MFSD2A: variants seen among roughly 807,000 people sequenced by gnomAD.
MFSD2A encodes sodium-dependent lysophosphatidylcholine symporter 1.
A neutral mutation model predicts 64.7 loss-of-function variants in MFSD2A; 27 were observed. The observed-to-expected ratio is 0.42, with a 90% confidence interval of 0.31 to 0.58. The LOEUF is 0.58. Ranked by LOEUF, MFSD2A falls within the 20% of genes least tolerant of loss-of-function variation. The pLI, the probability that MFSD2A is intolerant of heterozygous loss-of-function variation, is 0.18. For synonymous variants in MFSD2A, 258 were observed against 273.4 expected (o/e 0.94, Z 0.55); for missense variants, 474 against 679.5 (o/e 0.70, Z 3.36).
At chr1:39,967,023 G>T in intron 8 of MFSD2A, 63 bp from the exon 9 acceptor site, 1 of 1,610,892 alleles carries the variant, frequency 6.2e-7, no homozygotes, top group Non-Finnish European at 8.5e-7. Context: ...ATGTCTTGGG[G>T]AGGCTCAGCC....
Position 39,955,246 on chromosome 1 carries a change from G to A in MFSD2A, c.-47G>A. 7.4e-7 allele frequency: 1 copy of A among 1,357,710 alleles called. No individual in the cohort carries two copies. 84.1% of individuals were successfully genotyped at this position (1,357,710 alleles called of 1,614,324 possible). ...GGGAGGAGCAGCGGCCTGCGGGGCA[G>A]AGGAGCATCCCGTCTACCAGGTCCC... is the stretch of plus-strand genomic sequence containing the variant. On this transcript the variant is annotated 5_prime_UTR_variant, in exon 1 of 14. Transcript: ENST00000372811. This position sits in a 1 kb window ranked among gnomAD's most constrained non-coding sequence, Gnocchi z 5.9.
At chr1:39,961,777 GC>G (rs1359347052) in intron 3 of MFSD2A, among the ~76,000 whole-genome samples, 2 of 152,224 alleles carry the variant, frequency 1.3e-5, no homozygotes, top group East Asian at 3.9e-4. Context: ...CTCCCAAAGT[GC>G]TGGGATTACA....
In MFSD2A at chr1:39,955,864, C is replaced by T. The variant is rs1018210210; in HGVS notation, c.93+479C>T. 2 of 270,824 alleles carry T rather than the reference C, an allele frequency of 7.4e-6. No homozygotes were observed. Among genetic ancestry groups the T allele is most frequent in the Non-Finnish European group, 1.5e-5 (2 of 133,540 alleles). The allele number at this position is 270,824 out of a possible 1,614,324, so 16.8% of individuals were successfully genotyped here. On this transcript the variant is annotated intron_variant, in intron 1 of 13. Coordinates refer to ENST00000372811, the MANE Select transcript of MFSD2A (RefSeq NM_032793.5). This position sits in a 1 kb window ranked among gnomAD's most constrained non-coding sequence, Gnocchi z 5.9. The stretch of plus-strand genomic sequence containing the variant: ...GCTCTGCTCTTAAAGGAGCCGCGTC[C>T]CTCAGGCATTTGTCTGAATGTGGAT...
rs1300306453 is a variant in MFSD2A, at chr1:39,964,229, A to T, written c.354-982A>T. 1 of 152,226 alleles carries T rather than the reference A, an allele frequency of 6.6e-6. No homozygotes were observed. The highest frequency in any genetic ancestry group is 2.4e-5 in the African/African-American group (1 of 41,448). The allele number at this position is 152,226 out of a possible 1,614,324, so 9.4% of individuals were successfully genotyped here. On this transcript the variant is annotated intron_variant, in intron 3 of 13. Coordinates refer to ENST00000372811, the MANE Select transcript of MFSD2A (RefSeq NM_032793.5). The surrounding 1 kb of genome is among the most constrained non-coding windows in gnomAD (Gnocchi z 4.1). ...GTTGAATGGTATATATAACTTTTAA[A>T]TTATGTCAACTTTTCTGTTTGCCAA... is the stretch of plus-strand genomic sequence containing the variant.
Position 39,968,423 on chromosome 1 carries a change from T to C in MFSD2A, c.1298T>C (p.Phe433Ser). 6.2e-7 allele frequency: 1 copy of C among 1,614,154 alleles called. No homozygotes were observed. Among genetic ancestry groups the C allele is most frequent in the Non-Finnish European group, 8.5e-7 (1 of 1,180,012 alleles). Residue 433 changes from phenylalanine (F) to serine (S), a missense_variant, in exon 12 of 14, where the codon TTC (phenylalanine) becomes TCC (serine). Transcript: ENST00000372811. The surrounding 1 kb of genome is among the most constrained non-coding windows in gnomAD (Gnocchi z 4.4). Reference protein sequence around the residue: ...TEPIFFSFYVFFTKFASGVSL... With the variant: ...TEPIFFSFYVSFTKFASGVSL... Reference sequence around the variant, plus strand: ...CCCATCTTCTTCTCCTTCTATGTCTTCTTCACCAAGTTTGCCTCTGGAGTG... The same window carrying C: ...CCCATCTTCTTCTCCTTCTATGTCTCCTTCACCAAGTTTGCCTCTGGAGTG...
At chr1:39,961,593 CG>C (rs1645045592) in intron 3 of MFSD2A, among the ~76,000 whole-genome samples, 1 of 151,608 alleles carries the variant, frequency 6.6e-6, no homozygotes, top group South Asian at 2.1e-4. Context: ...GTGATCTGCC[CG>C]CCTCGGCCTC....
chr1:39,964,957 C>T lies in MFSD2A; in HGVS notation c.354-254C>T, dbSNP rs1645125342. 1.8e-6 allele frequency: 1 copy of T among 548,654 alleles called. No individual in the cohort carries two copies. Among genetic ancestry groups the T allele is most frequent in the Non-Finnish European group, 3.3e-6 (1 of 305,358 alleles). The allele number at this position is 548,654 out of a possible 1,614,324, so 34.0% of individuals were successfully genotyped here. On this transcript the variant is annotated intron_variant, in intron 3 of 13. Transcript: ENST00000372811. The surrounding 1 kb of genome is among the most constrained non-coding windows in gnomAD (Gnocchi z 4.1). ...CCCATTAGAGGCTGCTGCCTCTGGA[C>T]TAGACTCAGGCTCTGACCTCACACT...
In MFSD2A at chr1:39,957,207, T is replaced by C. The variant is rs2124756040; in HGVS notation, c.214T>C (p.Leu72=). ...GGGTTTCTTCCTTCAGATCTACCTA[T>C]TGGATGTGGCTCAGGTGAGTGGTCT... The part of the protein sequence containing the change: ...ALGFFLQIYL[L]DVAQVGPFSA... The change falls in exon 2 of 14, where the codon TTG becomes CTG. Residue 72 remains leucine, a synonymous_variant. Coordinates refer to ENST00000372811, the MANE Select transcript of MFSD2A (RefSeq NM_032793.5). 6.2e-7 allele frequency: 1 copy of C among 1,601,008 alleles called. No individual in the cohort carries two copies. The highest frequency in any genetic ancestry group is 8.5e-7 in the Non-Finnish European group (1 of 1,172,938).
At chr1:39,962,972 G>T in intron 3 of MFSD2A, 1 of 1,541,500 alleles carries the variant, frequency 6.5e-7, no homozygotes, top group Non-Finnish European at 8.8e-7. Flanking sequence ...TGGGTGTTAA[G>T]TGCTCCAAGG....
At position 39,965,930 on chromosome 1, in the gene MFSD2A, G is replaced by T; in HGVS notation, c.630G>T (p.Thr210=). 1.2e-6 allele frequency: 2 copies of T among 1,614,146 alleles called. No homozygotes were observed. The highest frequency in any genetic ancestry group is 2.2e-5 in the South Asian group (2 of 91,078). The change falls in exon 6 of 14, where the codon ACG becomes ACT. Residue 210 remains threonine, a synonymous_variant. Coordinates refer to ENST00000372811, the MANE Select transcript of MFSD2A (RefSeq NM_032793.5). The surrounding 1 kb of genome is among the most constrained non-coding windows in gnomAD (Gnocchi z 5.5). Reference sequence around the variant, plus strand: ...GACAAATCGTGGGCCAAGCAGACACGCCTTGTTTCCAGGACCTCAATAGCT... The same window carrying T: ...GACAAATCGTGGGCCAAGCAGACACTCCTTGTTTCCAGGACCTCAATAGCT... The part of the protein sequence containing the change: ...IQGQIVGQAD[T]PCFQDLNSST...
rs1204840423 is a variant in MFSD2A, at chr1:39,968,929, G to A, written c.1529+184G>A. Among the ~76,000 whole-genome samples, 1 of 152,164 alleles carries A rather than the reference G, an allele frequency of 6.6e-6. No homozygotes were observed. The highest frequency in any genetic ancestry group is 1.5e-5 in the Non-Finnish European group (1 of 68,028). On this transcript the variant is annotated intron_variant, in intron 13 of 13. Coordinates refer to ENST00000372811, the MANE Select transcript of MFSD2A (RefSeq NM_032793.5). This position sits in a 1 kb window ranked among gnomAD's most constrained non-coding sequence, Gnocchi z 4.4. ...TACCTTTATTCAACAAATACATACT[G>A]GCTGCCTACTATGTGCTAGGCATTG...
At chr1:39,967,736 C>T (rs749225862) in intron 10 of MFSD2A, 25 bp downstream of exon 10, 1 of 1,612,984 alleles carries the variant, frequency 6.2e-7, no homozygotes, top group East Asian at 2.2e-5. Context: ...AGAGCAGAGC[C>T]TGGGTTGAGT....
At chr1:39,969,413 A>AG (rs1186937192) in intron 13 of MFSD2A, 92 bp from the exon 14 acceptor site, 6 of 1,116,964 alleles carry the variant, frequency 5.4e-6, no homozygotes, top group Non-Finnish European at 6.5e-6. Context: ...GTCCGACAGC[A>AG]GGGCCAAGAT....
In MFSD2A at chr1:39,966,597, A is replaced by G; in HGVS notation, c.715-4A>G. The stretch of plus-strand genomic sequence containing the variant: ...CCTTGTATGTCGCCTTCACCTCCTT[A>G]TAGCAAAAGGCATACCTGCTGGCAG... On this transcript the variant is annotated splice_region_variant and splice_polypyrimidine_tract_variant and intron_variant, in intron 6 of 13. Coordinates refer to ENST00000372811, the MANE Select transcript of MFSD2A (RefSeq NM_032793.5). The G allele has an allele frequency of 6.2e-7, 1 of 1,609,970 alleles. No individual in the cohort carries two copies. Among genetic ancestry groups the G allele is most frequent in the Non-Finnish European group, 8.5e-7 (1 of 1,177,784 alleles).
In MFSD2A at chr1:39,963,359, C is replaced by T. The variant is rs1645087525; in HGVS notation, c.354-1852C>T. On this transcript the variant is annotated intron_variant, in intron 3 of 13. Transcript: ENST00000372811. This position sits in a 1 kb window ranked among gnomAD's most constrained non-coding sequence, Gnocchi z 4.2. ...AGTCTCCCGATCAGGAATTCACTGA[C>T]CACCTCATCAAGACCCACCAGGCTC... 4.9e-6 allele frequency: 4 copies of T among 813,890 alleles called. No individual in the cohort carries two copies. The South Asian group carries it at 6.2e-5, about 13-fold the overall frequency. 50.4% of individuals were successfully genotyped at this position (813,890 alleles called of 1,614,324 possible).
chr1:39,967,921 G>C lies in MFSD2A; in HGVS notation c.1208+5G>C. The C allele has an allele frequency of 6.3e-7, 1 of 1,575,184 alleles. No individual in the cohort carries two copies. The highest frequency in any genetic ancestry group is 8.7e-7 in the Non-Finnish European group (1 of 1,147,894). ...AGCTGCCTTCTTACTACCCTGGTAG[G>C]TATATACAGGCCCCCCTCCTCGGGT... On this transcript the variant is annotated splice_donor_5th_base_variant and intron_variant, in intron 11 of 13. Transcript: ENST00000372811.
In MFSD2A at chr1:39,956,359, G is replaced by C. The variant is rs1426470116; in HGVS notation, c.94-728G>C. Reference sequence around the variant, plus strand: ...CAGCCAGCTGGGCCGGGCCCCCGTAGCTCTCTAGAGCTCTCACCAGGAGTA... The same window carrying C: ...CAGCCAGCTGGGCCGGGCCCCCGTACCTCTCTAGAGCTCTCACCAGGAGTA... On this transcript the variant is annotated intron_variant, in intron 1 of 13. Transcript: ENST00000372811. Among the ~76,000 whole-genome samples the C allele has an allele frequency of 3.3e-5, 5 of 152,226 alleles. No homozygotes were observed. In the East Asian group the frequency reaches 9.6e-4, roughly 29 times the overall value.
intron 3 of MFSD2A, chr1:39,962,980 A>G: frequency 2.0e-6 from 3 of 1,533,012 alleles, no homozygotes; most frequent in Non-Finnish European, 2.7e-6. Context: ...AAGTGCTCCA[A>G]GGAGGTGGCC....
intron 3 of MFSD2A, among the ~76,000 whole-genome samples, chr1:39,962,058 G>C (rs1006166900): frequency 6.6e-6 from 1 of 152,230 alleles, no homozygotes; most frequent in African/African-American, 2.4e-5. Flanking sequence ...TGACATTTTA[G>C]TATCAACCAA....
Sources: allele counts gnomAD v4.1 joint callset (sites outside exome capture counted in the v4.1 genomes callset), GRCh38; gene constraint gnomAD v4.1.1; non-coding constraint Gnocchi (gnomAD v3.1); transcripts MANE v1.5; gene names NCBI Gene and HGNC (gene_info 2026-07-23, HGNC 2026-07-21).